DMXL2: variants seen among roughly 807,000 people sequenced by gnomAD.
DMXL2 encodes dmX-like protein 2.
DMXL2 carries 103 observed loss-of-function variants against 331.1 expected under a neutral mutation model. That is an observed-to-expected ratio of 0.31 (90% CI 0.27 to 0.37). The LOEUF is 0.37. Ranked by LOEUF, DMXL2 falls within the 10% of genes least tolerant of loss-of-function variation. DMXL2 has a pLI of 1.00. For missense variants in DMXL2, 3,171 were observed against 3,642.9 expected, an observed-to-expected ratio of 0.87 and a Z score of 3.33; for synonymous variants, 1,281 against 1,252.1, an observed-to-expected ratio of 1.02 and a Z score of -0.49.
At chr15:51,544,969 A>T (rs577299470) in intron 8 of DMXL2, among the ~76,000 whole-genome samples, 2 of 152,258 alleles carry the variant, frequency 1.3e-5, no homozygotes, top group South Asian at 2.1e-4. Flanking sequence ...TCATTGTATT[A>T]CCTAATCATA....
chr15:51,556,831 A>AT (rs1157686056), intron 6 of DMXL2, among the ~76,000 whole-genome samples: 1 of 152,180 alleles, frequency 6.6e-6, no homozygotes, highest in East Asian at 1.9e-4. Flanking sequence ...CTAAAATTCT[A>AT]TATCGTTTGT....
intron 43 of DMXL2, among the ~76,000 whole-genome samples, chr15:51,449,537 C>T (rs1344320957): frequency 1.3e-5 from 2 of 152,184 alleles, no homozygotes; most frequent in Non-Finnish European, 2.9e-5. Flanking sequence ...AGACAGTCCC[C>T]TACTTACGAT....
chr15:51,538,881 C>T (rs2048429505), intron 9 of DMXL2, among the ~76,000 whole-genome samples: 1 of 152,172 alleles, frequency 6.6e-6, no homozygotes, highest in African/African-American at 2.4e-5. Context: ...AAGGGTGATA[C>T]ACCATGATAG....
chr15:51,581,984 G>A (rs2051458207), intron 1 of DMXL2, among the ~76,000 whole-genome samples: 1 of 152,080 alleles, frequency 6.6e-6, no homozygotes, highest in South Asian at 2.1e-4. Flanking sequence ...TATCAAGAGT[G>A]TTACTATTAA....
intron 29 of DMXL2, among the ~76,000 whole-genome samples, chr15:51,467,946 C>A (rs111841998): frequency 2.0e-5 from 3 of 151,968 alleles, no homozygotes; most frequent in African/African-American, 7.3e-5. Flanking sequence ...CAGGATGGTC[C>A]CAATCTCCTG....
At chr15:51,516,944 A>T (rs909199998) in intron 14 of DMXL2, 134 bp downstream of exon 14, 1 of 713,374 alleles carries the variant, frequency 1.4e-6, no homozygotes. Context: ...GATTTTCACT[A>T]TGGGAATCAA....
chr15:51,450,422 T>A, intron 42 of DMXL2, 76 bp from the exon 43 acceptor site: 2 of 1,351,428 alleles, frequency 1.5e-6, no homozygotes, highest in Non-Finnish European at 2.1e-6. Context: ...CATCCACATT[T>A]AAATACAGAC....
intron 29 of DMXL2, among the ~76,000 whole-genome samples, chr15:51,467,238 TCTG>T (rs1224459628): frequency 7.9e-5 from 12 of 152,068 alleles, no homozygotes; most frequent in Admixed American, 7.2e-4. Flanking sequence ...GGAAAAGACT[TCTG>T]CTGAAAAACA....
At chr15:51,488,514 C>A (rs1351212005) in intron 21 of DMXL2, 34 bp downstream of exon 21, 3 of 1,537,740 alleles carry the variant, frequency 2.0e-6, no homozygotes, top group Non-Finnish European at 2.7e-6. Context: ...AATCTTCATT[C>A]TGTTGAATCA....
rs973433178 is a variant in DMXL2 at position 51,613,505 on chromosome 15, C to T, written c.87+8954G>A. 2.0e-5 allele frequency among the ~76,000 whole-genome samples: 3 copies of T among 152,192 alleles called. No homozygotes were observed. The East Asian group carries it at 5.8e-4, about 29-fold the overall frequency. On this transcript the variant is annotated intron_variant, in intron 1 of 43. Transcript: ENST00000560891. ...TTCAATAGCTAGTTTATCCTGTATG[C>T]ACAATGTCTAGGTGCCAAAATATTT...
chr15:51,528,643 A>G (rs951748391), intron 13 of DMXL2, among the ~76,000 whole-genome samples: 1 of 152,182 alleles, frequency 6.6e-6, no homozygotes, highest in Non-Finnish European at 1.5e-5. Context: ...TTAGAGTTAC[A>G]GAAAGAGATA....
intron 13 of DMXL2, among the ~76,000 whole-genome samples, chr15:51,525,237 C>G (rs1422856846): frequency 1.3e-5 from 2 of 151,974 alleles, no homozygotes; most frequent in African/African-American, 4.8e-5. Context: ...GAATAACCAG[C>G]AGCAATATCC....
At chr15:51,529,693 T>A (rs1596139863) in intron 13 of DMXL2, among the ~76,000 whole-genome samples, 1 of 152,166 alleles carries the variant, frequency 6.6e-6, no homozygotes, top group East Asian at 1.9e-4. Context: ...AAGGAACGAA[T>A]ACCAATCCCA....
At position 51,503,020 on chromosome 15, in the gene DMXL2, T is replaced by A. The variant is rs201965877; in HGVS notation, c.2778A>T (p.Glu926Asp). 5.0e-6 allele frequency: 8 copies of A among 1,608,380 alleles called. No individual in the cohort carries two copies. In the East Asian group the frequency reaches 1.6e-4, roughly 31 times the overall value. The part of the protein sequence containing the change: ...SVQACLAKAS[E>D]GASSESLLSV... Reference sequence around the variant, plus strand: ...AAAGTAGACTCTCAGAGGAAGCCCCTTCTGAAGCTTTAGCTTTAAAAATAA... The same window carrying A: ...AAAGTAGACTCTCAGAGGAAGCCCCATCTGAAGCTTTAGCTTTAAAAATAA... Residue 926 changes from glutamate to aspartate, a missense_variant, in exon 17 of 44, where the codon GAA becomes GAT. This residue lies in a region of DMXL2 where 1,674 missense variants were observed against 1,780.2 expected (regional missense o/e 0.94). Coordinates refer to ENST00000560891, the MANE Select transcript of DMXL2 (RefSeq NM_001378457.1).
At chr15:51,553,459 T>A (rs1161397359) in intron 6 of DMXL2, among the ~76,000 whole-genome samples, 2 of 152,182 alleles carry the variant, frequency 1.3e-5, no homozygotes, top group African/African-American at 4.8e-5. Context: ...ATGCATTTTC[T>A]TTGCCCCGTT....
At chr15:51,536,943 T>C (rs2048322169) in intron 11 of DMXL2, 81 bp from the exon 12 acceptor site, 1 of 1,193,952 alleles carries the variant, frequency 8.4e-7, no homozygotes, top group Non-Finnish European at 1.2e-6. Flanking sequence ...AAATACCAAA[T>C]CTCAGCTTCT....
chr15:51,447,793 T>TAACA lies in DMXL2; in HGVS notation c.*1187_*1190dup, dbSNP rs1239742558. 2.6e-5 allele frequency: 4 copies of TAACA among 152,650 alleles called. No homozygotes were observed. The highest frequency in any genetic ancestry group is 9.6e-5 in the African/African-American group (4 of 41,470). 9.5% of individuals were successfully genotyped at this position (152,650 alleles called of 1,614,324 possible). ...AAAAACAGTATCAAACTAAAAACTC[T>TAACA]AACAAATAACATTTATTTTTCTTTT... On this transcript the variant is annotated 3_prime_UTR_variant, in exon 44 of 44. Coordinates refer to ENST00000560891, the MANE Select transcript of DMXL2 (RefSeq NM_001378457.1).
chr15:51,593,672 A>T lies in DMXL2; in HGVS notation c.88-17491T>A, dbSNP rs536357659. 7.2e-5 allele frequency among the ~76,000 whole-genome samples: 11 copies of T among 152,304 alleles called. No individual in the cohort carries two copies. The South Asian group carries it at 1.2e-3, about 17-fold the overall frequency. ...TTGACCACATAGTTGGAAGTAAAGCACTCCTCAGCAAATGGAAAAGAACAG... is the reference window on the plus strand; with the variant it reads ...TTGACCACATAGTTGGAAGTAAAGCTCTCCTCAGCAAATGGAAAAGAACAG... On this transcript the variant is annotated intron_variant, in intron 1 of 43. Coordinates refer to ENST00000560891, the MANE Select transcript of DMXL2 (RefSeq NM_001378457.1).
At chr15:51,458,851 A>G in intron 34 of DMXL2, 56 bp from the exon 35 acceptor site, 1 of 1,378,416 alleles carries the variant, frequency 7.3e-7, no homozygotes, top group Non-Finnish European at 1.0e-6. Flanking sequence ...ATTTAGAGTT[A>G]TGCACATCCC....
Sources: gnomAD v4.1 joint callset for allele counts (sites outside exome capture counted in the v4.1 genomes callset) on GRCh38, gnomAD v4.1.1 for gene constraint, gnomAD v4.1.1 regional missense constraint, MANE v1.5 for transcripts, NCBI Gene and HGNC (gene_info 2026-07-23, HGNC 2026-07-21) for gene names.